Variants in NT5C2 observed in about 807,000 individuals in gnomAD.
NT5C2 encodes 5'-nucleotidase, cytosolic II, also known as cytosolic purine 5'-nucleotidase.
In NT5C2, 58 loss-of-function variants were observed where a neutral mutation model predicts 76.1. The ratio of observed to expected loss-of-function variants is 0.76; its 90% CI spans 0.62 to 0.95. The LOEUF is 0.95. Among genes scored for constraint, NT5C2 ranks in the 40% least tolerant of loss-of-function variants. NT5C2 has a pLI of 0.00. For missense variants in NT5C2, 478 were observed against 690.3 expected, an observed-to-expected ratio of 0.69 and a Z score of 3.45; for synonymous variants, 229 against 237.4, an observed-to-expected ratio of 0.96 and a Z score of 0.32.
rs200284011 is a variant in NT5C2 at position 103,090,740 on chromosome 10, C to A, written c.1320G>T (p.Leu440=). ...MDMCYGMMGS[L]FRSGSRQTLF... is the part of the protein sequence containing the mutation. ...GGGTCTGCCGGGAGCCACTGCGAAA[C>A]AGGCTTCCCATCATCCCATAGCACA... The change falls in exon 18 of 19, where the codon CTG becomes CTT. Residue 440 remains leucine, a synonymous_variant. Transcript: ENST00000404739. 1 of 1,614,198 alleles carries A rather than the reference C, an allele frequency of 6.2e-7. No homozygotes were observed. Among genetic ancestry groups the A allele is most frequent in the African/African-American group, 1.3e-5 (1 of 75,052 alleles).
At position 103,168,956 on chromosome 10, in the gene NT5C2, T is replaced by G. The variant is rs147068349; in HGVS notation, c.101+5902A>C. Among the ~76,000 whole-genome samples the G allele has an allele frequency of 1.3e-3, 195 of 152,354 alleles. 1 individual carries two copies. The highest frequency in any genetic ancestry group is 4.5e-3 in the African/African-American group (188 of 41,592). ...AATGAAAAGACCTGGAAACAGAATATTCTACAAATTGACTTAACTAGAAAA... is the reference window on the plus strand; with the variant it reads ...AATGAAAAGACCTGGAAACAGAATAGTCTACAAATTGACTTAACTAGAAAA... On this transcript the variant is annotated intron_variant, in intron 3 of 18. Transcript: ENST00000404739.
At chr10:103,114,360 G>T (rs532108027) in intron 4 of NT5C2, among the ~76,000 whole-genome samples, 1 of 152,234 alleles carries the variant, frequency 6.6e-6, no homozygotes, top group East Asian at 1.9e-4. Flanking sequence ...AGTGAGCTGA[G>T]ATCACGCCAC....
At chr10:103,173,579 T>C (rs1346377605) in intron 3 of NT5C2, among the ~76,000 whole-genome samples, 1 of 128,054 alleles carries the variant, frequency 7.8e-6, no homozygotes, top group Non-Finnish European at 1.6e-5. Context: ...GCTACTGCAC[T>C]CCAGCCTGGG....
intron 10 of NT5C2, 50 bp from the exon 11 acceptor site, chr10:103,097,424 A>G: frequency 6.8e-7 from 1 of 1,477,154 alleles, no homozygotes; most frequent in Non-Finnish European, 9.5e-7. Context: ...TTTTATCTTT[A>G]CACTTTGGAG....
At chr10:103,169,630 T>C (rs2087339135) in intron 3 of NT5C2, among the ~76,000 whole-genome samples, 1 of 151,686 alleles carries the variant, frequency 6.6e-6, no homozygotes, top group Non-Finnish European at 1.5e-5. Context: ...AAAAAAATTA[T>C]AATAATTTTA....
chr10:103,129,492 C>G (rs1241456257), intron 4 of NT5C2, among the ~76,000 whole-genome samples: 9 of 110,452 alleles, frequency 8.1e-5, no homozygotes, highest in Admixed American at 8.6e-5. Context: ...TCAGCCCCCC[C>G]ACCCGGCCAG....
At chr10:103,157,378 A>T (rs2083645904) in intron 3 of NT5C2, among the ~76,000 whole-genome samples, 2 of 152,178 alleles carry the variant, frequency 1.3e-5, no homozygotes, top group Admixed American at 1.3e-4. Context: ...TGAGTTAATC[A>T]ACTGAAGCAA....
At chr10:103,140,424 T>G (rs1439977818) in intron 3 of NT5C2, among the ~76,000 whole-genome samples, 1 of 152,226 alleles carries the variant, frequency 6.6e-6, no homozygotes, top group East Asian at 1.9e-4. Context: ...ATACCACAAT[T>G]TCTTTATCCA....
At chr10:103,180,795 T>C (rs1334799504) in intron 2 of NT5C2, among the ~76,000 whole-genome samples, 1 of 152,066 alleles carries the variant, frequency 6.6e-6, no homozygotes. Flanking sequence ...AACCCAAATG[T>C]TATCCACAAG....
chr10:103,174,448 G>A (rs2089284061), intron 3 of NT5C2, among the ~76,000 whole-genome samples: 1 of 152,136 alleles, frequency 6.6e-6, no homozygotes, highest in Non-Finnish European at 1.5e-5. Context: ...GCCCACACCT[G>A]TAGTCTCAGC....
intron 4 of NT5C2, among the ~76,000 whole-genome samples, chr10:103,118,277 T>C (rs2074839031): frequency 6.6e-6 from 1 of 152,066 alleles, no homozygotes; most frequent in African/African-American, 2.4e-5. Flanking sequence ...CTATTCACCA[T>C]AGGCCTTGTC....
chr10:103,090,790 A>AAAAC lies in NT5C2; in HGVS notation c.1273-7_1273-4dup, dbSNP rs747195167. ...ATGTCCATGTCATGAGTTACTTTCT[A>AAAAC]AAACAAAGAACAAGATTGATTCTTG... On this transcript the variant is annotated splice_polypyrimidine_tract_variant and splice_region_variant and intron_variant, in intron 17 of 18. Coordinates refer to ENST00000404739, the MANE Select transcript of NT5C2 (RefSeq NM_001351169.2). The AAAAC allele has an allele frequency of 1.2e-6, 2 of 1,613,782 alleles. No homozygotes were observed. Among genetic ancestry groups the AAAAC allele is most frequent in the East Asian group, 2.2e-5 (1 of 44,884 alleles).
rs761329170 is a variant in NT5C2 at position 103,174,528 on chromosome 10, G to A, written c.101+330C>T. Reference sequence around the variant, plus strand: ...GAAGGTTACAGTTAGCCAAGATTGCGCCATTGTACTCCAGCCTGGGCAACA... The same window carrying A: ...GAAGGTTACAGTTAGCCAAGATTGCACCATTGTACTCCAGCCTGGGCAACA... On this transcript the variant is annotated intron_variant, in intron 3 of 18. Transcript: ENST00000404739. Among the ~76,000 whole-genome samples the A allele has an allele frequency of 2.6e-5, 4 of 152,050 alleles. No individual in the cohort carries two copies. In the East Asian group the frequency reaches 5.8e-4, roughly 22 times the overall value.
At chr10:103,157,537 G>T (rs1020315300) in intron 3 of NT5C2, among the ~76,000 whole-genome samples, 3 of 152,160 alleles carry the variant, frequency 2.0e-5, no homozygotes, top group Non-Finnish European at 4.4e-5. Context: ...GTGAACTCAT[G>T]ATTTCTACAA....
At chr10:103,148,417 A>G (rs552795748) in intron 3 of NT5C2, among the ~76,000 whole-genome samples, 2 of 152,286 alleles carry the variant, frequency 1.3e-5, no homozygotes, top group East Asian at 3.9e-4. Flanking sequence ...CCTGGCTGAC[A>G]TGGTGAAACC....
intron 4 of NT5C2, among the ~76,000 whole-genome samples, chr10:103,123,383 C>A (rs1285125108): frequency 2.6e-5 from 4 of 152,010 alleles, no homozygotes; most frequent in South Asian, 2.1e-4. Flanking sequence ...CTGTACCACA[C>A]CCTGGTAATC....
chr10:103,132,884 A>C (rs1361239122), intron 4 of NT5C2, among the ~76,000 whole-genome samples: 1 of 152,336 alleles, frequency 6.6e-6, no homozygotes, highest in African/African-American at 2.4e-5. Context: ...AAATTATGTC[A>C]AGAGTTAAAA....
At position 103,089,406 on chromosome 10, in the gene NT5C2, G is replaced by A. The variant is rs1046945078; in HGVS notation, c.*266C>T. The stretch of plus-strand genomic sequence containing the variant: ...TTTAAAAGTGTCACAAGCCACAGTG[G>A]AGCCATATACATGCAGTTCAGCCTG... On this transcript the variant is annotated 3_prime_UTR_variant, in exon 19 of 19. Transcript: ENST00000404739. The A allele has an allele frequency of 2.3e-5, 8 of 352,806 alleles. No individual in the cohort carries two copies. Among genetic ancestry groups the A allele is most frequent in the Admixed American group, 9.1e-5 (2 of 22,008 alleles). 21.9% of individuals were successfully genotyped at this position (352,806 alleles called of 1,614,324 possible). A position where few individuals can be genotyped will look rare whatever the true frequency, so the allele number is the denominator to read the frequency against.
At chr10:103,138,655 T>C (rs570196521) in intron 4 of NT5C2, among the ~76,000 whole-genome samples, 42 of 152,344 alleles carry the variant, frequency 2.8e-4, no homozygotes, top group African/African-American at 9.9e-4. Flanking sequence ...AAAAGCCTTA[T>C]ACATACTACG....
Sources: allele counts gnomAD v4.1 joint callset (sites outside exome capture counted in the v4.1 genomes callset), GRCh38; gene constraint gnomAD v4.1.1; transcripts MANE v1.5; gene names NCBI Gene and HGNC (gene_info 2026-07-23, HGNC 2026-07-21).